GSE1: variants seen among roughly 807,000 people sequenced by gnomAD.
GSE1 encodes genetic suppressor element 1.
GSE1 carries 32 observed loss-of-function variants against 112.6 expected under a neutral mutation model. That is an observed-to-expected ratio of 0.28 (90% CI 0.21 to 0.38). The LOEUF (loss-of-function observed/expected upper bound fraction) is 0.38. GSE1 is among the 10% of genes least tolerant of loss of function. The probability of loss-of-function intolerance (pLI) is 1.00; values close to 1 mark genes in which losing one functional copy is unlikely to be tolerated. For synonymous variants in GSE1, 1,115 were observed against 735.6 expected (o/e 1.52, Z -8.35); for missense variants, 2,348 against 1,699.2 (o/e 1.38, Z -6.71).
chr16:85,189,177 C>G (rs952239584), intron 1 of GSE1, among the ~76,000 whole-genome samples: 4 of 152,210 alleles, frequency 2.6e-5, no homozygotes, highest in Non-Finnish European at 4.4e-5. Context: ...TTTGCTGGCT[C>G]CTGCCAGCTG....
chr16:85,622,075 A>G (rs2048776361), intron 1 of GSE1, among the ~76,000 whole-genome samples: 1 of 152,158 alleles, frequency 6.6e-6, no homozygotes, highest in South Asian at 2.1e-4. Flanking sequence ...GAATTACAGA[A>G]TCATTTAGAC....
Position 85,656,369 on chromosome 16 carries a change from G to A in GSE1, c.1016G>A (p.Arg339Gln), listed in dbSNP as rs199544488. 113 of 1,609,870 alleles carry A rather than the reference G, an allele frequency of 7.0e-5. No individual in the cohort carries two copies. The East Asian group carries it at 1.8e-3, about 26-fold the overall frequency. The part of the protein sequence containing the change: ...ERLQMDEELR[R>Q]ERERERERER... ...CTGCAGATGGACGAGGAGCTAAGGC[G>A]GGAGAGGGAGCGCGAGCGCGAGCGC... The change falls in exon 7 of 16, where the codon CGG becomes CAG. Residue 339 changes from arginine (R) to glutamine (Q), a missense_variant. Transcript: ENST00000253458.
chr16:85,213,040 G>T (rs2075251740), intron 1 of GSE1, among the ~76,000 whole-genome samples: 1 of 152,130 alleles, frequency 6.6e-6, no homozygotes, highest in Admixed American at 6.5e-5. Context: ...GGAGGCCAAG[G>T]TGGGCAGATC....
At chr16:85,359,342 C>G (rs1238060750) in intron 2 of GSE1, 2 of 455,218 alleles carry the variant, frequency 4.4e-6, no homozygotes, top group South Asian at 1.6e-5. Flanking sequence ...TCTCCCACAG[C>G]TTTGGGCAGA....
chr16:85,353,785 C>A (rs2046897314), intron 1 of GSE1, among the ~76,000 whole-genome samples: 1 of 152,254 alleles, frequency 6.6e-6, no homozygotes, highest in Admixed American at 6.5e-5. Flanking sequence ...AGGGCTGTGG[C>A]TGTCTCCTTG....
intron 1 of GSE1, among the ~76,000 whole-genome samples, chr16:85,245,685 G>T (rs2143966415): frequency 6.6e-6 from 1 of 152,270 alleles, no homozygotes; most frequent in African/African-American, 2.4e-5. Flanking sequence ...GTATGAACCG[G>T]ACTCGTAACA....
At chr16:85,442,883 C>T (rs1054330656) in intron 2 of GSE1, among the ~76,000 whole-genome samples, 4 of 152,218 alleles carry the variant, frequency 2.6e-5, no homozygotes, top group South Asian at 2.1e-4. Context: ...TGGAGGTCCC[C>T]GGAGGAAATC....
intron 1 of GSE1, among the ~76,000 whole-genome samples, chr16:85,178,818 G>A (rs1337729096): frequency 1.3e-5 from 2 of 148,784 alleles, no homozygotes; most frequent in African/African-American, 2.5e-5. Context: ...GCACAGTGAC[G>A]AGTGTCCTGG....
At chr16:85,554,148 G>C (rs1192421262), upstream of GSE1, among the ~76,000 whole-genome samples, 2 of 151,728 alleles carry the variant, frequency 1.3e-5, no homozygotes, top group Admixed American at 6.6e-5. Context: ...GCTTTGCAGC[G>C]TGCGTTTAAG....
intron 1 of GSE1, among the ~76,000 whole-genome samples, chr16:85,308,416 G>A (rs1266980542): frequency 6.6e-6 from 1 of 152,122 alleles, no homozygotes; most frequent in Non-Finnish European, 1.5e-5. Context: ...TTGGAGCCTG[G>A]CAATCCTCGA....
chr16:85,418,885 GGA>G (rs1317079236), intron 2 of GSE1, among the ~76,000 whole-genome samples: 4 of 152,110 alleles, frequency 2.6e-5, no homozygotes, highest in Admixed American at 1.3e-4. Flanking sequence ...AGGTGGGATA[GGA>G]GAGAGAGAGA....
chr16:85,373,987 A>G lies in GSE1; in HGVS notation c.2464+16344A>G, dbSNP rs2047358163. ...CGCCCCACGGTGGCTGCATGTGCGT[A>G]TGTGTGTGGGTGTCCACATGTGTCA... On this transcript the variant is annotated intron_variant, in intron 2 of 2. Transcript: ENST00000637419. The surrounding 1 kb of genome is among the most constrained non-coding windows in gnomAD (Gnocchi z 5.1). Among the ~76,000 whole-genome samples the G allele has an allele frequency of 6.6e-6, 1 of 152,108 alleles. No individual in the cohort carries two copies. Among genetic ancestry groups the G allele is most frequent in the African/African-American group, 2.4e-5 (1 of 41,436 alleles).
chr16:85,624,736 C>G (rs2048957373), intron 1 of GSE1, among the ~76,000 whole-genome samples: 1 of 152,212 alleles, frequency 6.6e-6, no homozygotes, highest in South Asian at 2.1e-4. Context: ...GTGGAATAAA[C>G]AGGTGGAGAG....
chr16:85,372,367 T>A (rs994079386), intron 2 of GSE1, among the ~76,000 whole-genome samples: 3 of 151,592 alleles, frequency 2.0e-5, no homozygotes, highest in Non-Finnish European at 2.9e-5. Context: ...TGGTCCCAGC[T>A]ACCCTGGAGG....
At chr16:85,429,309 C>T (rs79495613) in intron 2 of GSE1, among the ~76,000 whole-genome samples, 449 of 152,338 alleles carry the variant, frequency 2.9e-3, no homozygotes, top group African/African-American at 0.01. Flanking sequence ...TGTTCTGCCA[C>T]GGGCATGTGC....
chr16:85,651,486 G>T (rs767121606), intron 3 of GSE1, among the ~76,000 whole-genome samples: 2 of 152,190 alleles, frequency 1.3e-5, no homozygotes, highest in Non-Finnish European at 2.9e-5. Context: ...CTTTGTCCTC[G>T]GCTGAGGGGA....
chr16:85,485,368 C>G (rs1174327045), intron 2 of GSE1, among the ~76,000 whole-genome samples: 1 of 151,946 alleles, frequency 6.6e-6, no homozygotes, highest in Non-Finnish European at 1.5e-5. Context: ...TGTACAGCTA[C>G]TGTCACACCA....
intron 1 of GSE1, among the ~76,000 whole-genome samples, chr16:85,293,923 A>C (rs1195262049): frequency 6.6e-6 from 1 of 152,146 alleles, no homozygotes; most frequent in Non-Finnish European, 1.5e-5. Flanking sequence ...CACTTTCCAA[A>C]GGAGGTCATG....
At chr16:85,548,554 G>A (rs1290881980) in intron 2 of GSE1, among the ~76,000 whole-genome samples, 1 of 152,114 alleles carries the variant, frequency 6.6e-6, no homozygotes, top group African/African-American at 2.4e-5. Flanking sequence ...AATTCCACAC[G>A]TGTTGCTGCA....
Sources: gnomAD v4.1 joint callset for allele counts (sites outside exome capture counted in the v4.1 genomes callset) on GRCh38, gnomAD v4.1.1 for gene constraint, Gnocchi (gnomAD v3.1) non-coding constraint, MANE v1.5 for transcripts, NCBI Gene and HGNC (gene_info 2026-07-23, HGNC 2026-07-21) for gene names.